The following ATP9A variants were observed in gnomAD, a reference collection of about 807,000 sequenced individuals.
ATP9A encodes the protein probable phospholipid-transporting ATPase IIA.
A neutral mutation model predicts 144.1 loss-of-function variants in ATP9A; 52 were observed. That is an observed-to-expected ratio of 0.36 (90% CI 0.29 to 0.45). The LOEUF is 0.45. ATP9A is among the 20% of genes least tolerant of loss of function. The pLI, the probability that ATP9A is intolerant of heterozygous loss-of-function variation, is 1.00. For synonymous variants in ATP9A, 582 were observed against 557.4 expected (o/e 1.04, Z -0.62); for missense variants, 947 against 1,392.7 (o/e 0.68, Z 5.09).
At chr20:51,762,549 C>T (rs1282865921) in intron 1 of ATP9A, among the ~76,000 whole-genome samples, 1 of 151,286 alleles carries the variant, frequency 6.6e-6, no homozygotes, top group Non-Finnish European at 1.5e-5. Flanking sequence ...ATCCCAGCTA[C>T]GCAGGAGGCC....
intron 1 of ATP9A, among the ~76,000 whole-genome samples, chr20:51,763,914 TA>T (rs2077893176): frequency 1.3e-5 from 2 of 152,096 alleles, no homozygotes; most frequent in African/African-American, 4.8e-5. Flanking sequence ...ATGCTCTACA[TA>T]GTTATTCATT....
At position 51,755,274 on chromosome 20, in the gene ATP9A, A is replaced by T. The variant is rs188790434; in HGVS notation, c.68+13028T>A. Among the ~76,000 whole-genome samples, 43 of 152,002 alleles carry T rather than the reference A, an allele frequency of 2.8e-4. 1 individual carries two copies. The East Asian group carries it at 8.2e-3, about 29-fold the overall frequency. ...AACATGGTAAAACCCCGTCTCCACT[A>T]AAAATACAAAAATTAGCTGGCGTGG... is the stretch of plus-strand genomic sequence containing the variant. On this transcript the variant is annotated intron_variant, in intron 1 of 27. Coordinates refer to ENST00000338821, the MANE Select transcript of ATP9A (RefSeq NM_006045.3).
At chr20:51,716,112 T>C (rs976382850) in intron 3 of ATP9A, among the ~76,000 whole-genome samples, 8 of 152,180 alleles carry the variant, frequency 5.3e-5, no homozygotes, top group African/African-American at 1.7e-4. Flanking sequence ...GTGGTATTTA[T>C]GTGGAGGCTG....
At position 51,618,729 on chromosome 20, in the gene ATP9A, G is replaced by A. The variant is rs1026519420; in HGVS notation, c.2283C>T (p.Ala761=). 1.9e-6 allele frequency: 3 copies of A among 1,612,796 alleles called. No homozygotes were observed. Among genetic ancestry groups the A allele is most frequent in the South Asian group, 2.2e-5 (2 of 90,930 alleles). Residue 761 remains alanine (A), a synonymous_variant, in exon 21 of 28, where the codon GCC becomes GCT. Coordinates refer to ENST00000338821, the MANE Select transcript of ATP9A (RefSeq NM_006045.3). ...GCACGATCTGGGCCTTCTGGGTGGGGGCACATCGGCAGCAGACTACGGCCG... is the reference window on the plus strand; with the variant it reads ...GCACGATCTGGGCCTTCTGGGTGGGAGCACATCGGCAGCAGACTACGGCCG... ...QCPAVVCCRC[A]PTQKAQIVRL... is the part of the protein sequence containing the mutation.
At chr20:51,751,366 C>A (rs1045583340) in intron 1 of ATP9A, among the ~76,000 whole-genome samples, 1 of 147,836 alleles carries the variant, frequency 6.8e-6, no homozygotes, top group African/African-American at 2.5e-5. Context: ...CTCAAGGGAT[C>A]CTCCCACTTC....
In ATP9A at chr20:51,690,921, A is replaced by G. The variant is rs975012933; in HGVS notation, c.643-102T>C. The G allele has an allele frequency of 7.7e-6, 7 of 910,050 alleles. No homozygotes were observed. The African/African-American group carries it at 9.9e-5, about 13-fold the overall frequency. 56.4% of individuals were successfully genotyped at this position (910,050 alleles called of 1,614,324 possible). A position where few individuals can be genotyped will look rare whatever the true frequency, so the allele number is the denominator to read the frequency against. On this transcript the variant is annotated intron_variant, in intron 7 of 27. Coordinates refer to ENST00000338821, the MANE Select transcript of ATP9A (RefSeq NM_006045.3). The stretch of plus-strand genomic sequence containing the variant: ...CAAAGCAACTATATTTCCCACACAC[A>G]GCAAATGGCCCCTCAAAATTACAGG...
At chr20:51,663,220 G>A (rs745374189) in intron 13 of ATP9A, among the ~76,000 whole-genome samples, 4 of 152,022 alleles carry the variant, frequency 2.6e-5, no homozygotes, top group Non-Finnish European at 4.4e-5. Context: ...AATATGATGG[G>A]TTCTCATTGA....
At chr20:51,634,280 A>T (rs1261510318) in intron 15 of ATP9A, among the ~76,000 whole-genome samples, 9 of 152,202 alleles carry the variant, frequency 5.9e-5, no homozygotes, top group Non-Finnish European at 5.9e-5. Context: ...GAACAACTTC[A>T]GACTGGAACA....
chr20:51,605,912 CAA>C (rs77080495), intron 26 of ATP9A, among the ~76,000 whole-genome samples: 15 of 102,404 alleles, frequency 1.5e-4, no homozygotes, highest in Admixed American at 7.2e-4. Context: ...GACTCTGTTA[CAA>C]AAAAAAAAAA....
Position 51,625,172 on chromosome 20 carries a change from C to T in ATP9A, c.2016+20G>A. 2 of 1,599,628 alleles carry T rather than the reference C, an allele frequency of 1.3e-6. No homozygotes were observed. Among genetic ancestry groups the T allele is most frequent in the Non-Finnish European group, 8.5e-7 (1 of 1,174,964 alleles). The stretch of plus-strand genomic sequence containing the variant: ...TGGCATTGCCCTGGAGTGCCCTTCC[C>T]TGCGGGCAGCCCGCCCTACCTTGAT... On this transcript the variant is annotated intron_variant, in intron 18 of 27. Coordinates refer to ENST00000338821, the MANE Select transcript of ATP9A (RefSeq NM_006045.3).
chr20:51,748,077 A>C (rs1224647000), intron 1 of ATP9A, among the ~76,000 whole-genome samples: 1 of 152,152 alleles, frequency 6.6e-6, no homozygotes, highest in Non-Finnish European at 1.5e-5. Context: ...GGGCTCTCTT[A>C]GACTCTACTG....
chr20:51,613,854 C>T, intron 22 of ATP9A, 22 bp from the exon 23 acceptor site: 1 of 1,600,232 alleles, frequency 6.2e-7, no homozygotes, highest in East Asian at 2.2e-5. Flanking sequence ...TAAAATTAGG[C>T]ACCATCAGAA....
Position 51,670,003 on chromosome 20 carries a change from G to A in ATP9A, c.1287C>T (p.Tyr429=), listed in dbSNP as rs762957499. 18 of 1,612,664 alleles carry A rather than the reference G, an allele frequency of 1.1e-5. No individual in the cohort carries two copies. In the South Asian group the frequency reaches 1.9e-4, roughly 17 times the overall value. ...DEVQSHIFSI[Y]TQQSQDPPAQ... is the part of the protein sequence containing the mutation. ...TTGAAATGGAAGGCTTTACCTGGGT[G>A]TAAATGCTGAAAATGTGGCTTTGTA... Residue 429 remains tyrosine (Y), a synonymous_variant, in exon 13 of 28, where the codon TAC becomes TAT. Transcript: ENST00000338821.
At chr20:51,700,552 C>T (rs118010873) in intron 4 of ATP9A, among the ~76,000 whole-genome samples, 4,663 of 152,216 alleles carry the variant, frequency 0.031, 93 homozygotes, top group Non-Finnish European at 0.047. Context: ...GAGAGAGCGC[C>T]GGGCATGGTG....
chr20:51,661,367 C>CTTT (rs35618042), intron 13 of ATP9A, among the ~76,000 whole-genome samples: 1 of 145,936 alleles, frequency 6.9e-6, no homozygotes. Context: ...CTGAAATACA[C>CTTT]TTTTTTTTTT....
chr20:51,619,109 G>A (rs2077215727), intron 19 of ATP9A, 66 bp from the exon 20 acceptor site: 1 of 1,414,538 alleles, frequency 7.1e-7, no homozygotes, highest in South Asian at 1.2e-5. Context: ...ACAAACAGTG[G>A]CTTCCAGGAG....
At chr20:51,746,528 G>C (rs908921582) in intron 1 of ATP9A, among the ~76,000 whole-genome samples, 1 of 151,500 alleles carries the variant, frequency 6.6e-6, no homozygotes, top group Non-Finnish European at 1.5e-5. Flanking sequence ...GCTAAACGCT[G>C]TCTCTACTAC....
At chr20:51,676,888 T>C (rs972422234) in intron 9 of ATP9A, among the ~76,000 whole-genome samples, 2 of 151,442 alleles carry the variant, frequency 1.3e-5, no homozygotes, top group Non-Finnish European at 2.9e-5. Context: ...AGTTCTGGGA[T>C]TACAGGCATG....
chr20:51,708,800 G>A (rs1490437042), intron 4 of ATP9A, among the ~76,000 whole-genome samples: 1 of 152,108 alleles, frequency 6.6e-6, no homozygotes, highest in Non-Finnish European at 1.5e-5. Context: ...AAATACAAAT[G>A]GAGGGACAGG....
Sources: allele counts gnomAD v4.1 joint callset (sites outside exome capture counted in the v4.1 genomes callset), GRCh38; gene constraint gnomAD v4.1.1; transcripts MANE v1.5; gene names NCBI Gene and HGNC (gene_info 2026-07-23, HGNC 2026-07-21).